The following TMEM117 variants were observed in gnomAD, a reference collection of about 807,000 sequenced individuals.
The protein encoded by TMEM117 is transmembrane protein 117.
TMEM117 carries 27 observed loss-of-function variants against 52.4 expected under a neutral mutation model. The observed-to-expected ratio is 0.51, with a 90% CI of 0.38 to 0.71. The LOEUF (loss-of-function observed/expected upper bound fraction) is 0.71, where lower values mean the gene tolerates loss of function less well. Ranked by LOEUF, TMEM117 falls within the 30% of genes least tolerant of loss-of-function variation. The pLI is 0.00. For synonymous variants in TMEM117, 215 were observed against 206.3 expected, an observed-to-expected ratio of 1.04 and a Z score of -0.36; for missense variants, 556 against 630.5, an observed-to-expected ratio of 0.88 and a Z score of 1.26.
At position 43,954,461 on chromosome 12, in the gene TMEM117, G is replaced by A. The variant is rs11523601; in HGVS notation, c.410+10119G>A. On this transcript the variant is annotated intron_variant, in intron 3 of 7. Coordinates refer to ENST00000266534, the MANE Select transcript of TMEM117 (RefSeq NM_032256.3). Reference sequence around the variant, plus strand: ...TAAACACAATCAGAAATGATAAGGCGGATACCACCACTGACCCCACAGAAA... The same window carrying A: ...TAAACACAATCAGAAATGATAAGGCAGATACCACCACTGACCCCACAGAAA... 8.2e-3 allele frequency among the ~76,000 whole-genome samples: 1,253 copies of A among 152,010 alleles called. 12 individuals are homozygous for A. Among genetic ancestry groups the A allele is most frequent in the Middle Eastern group, 0.024 (7 of 292 alleles).
chr12:44,181,487 G>A (rs1443116561), intron 4 of TMEM117, among the ~76,000 whole-genome samples: 10 of 150,398 alleles, frequency 6.6e-5, no homozygotes, highest in Non-Finnish European at 1.3e-4. Flanking sequence ...ATGGTTTTAG[G>A]TCTAACGTTT....
At chr12:44,325,131 C>T (rs1344846571) in intron 6 of TMEM117, among the ~76,000 whole-genome samples, 2 of 152,168 alleles carry the variant, frequency 1.3e-5, no homozygotes, top group Non-Finnish European at 2.9e-5. Context: ...TCTTTAATTA[C>T]ACATGTCCAT....
chr12:44,381,960 G>T (rs549512922), intron 7 of TMEM117, among the ~76,000 whole-genome samples: 1 of 152,260 alleles, frequency 6.6e-6, no homozygotes, highest in Non-Finnish European at 1.5e-5. Flanking sequence ...TGTATACAAA[G>T]AAAGTCCCCG....
intron 3 of TMEM117, among the ~76,000 whole-genome samples, chr12:44,024,902 A>G (rs2137845831): frequency 6.6e-6 from 1 of 151,596 alleles, no homozygotes; most frequent in South Asian, 2.1e-4. Context: ...ACATATAAGT[A>G]CATATACATA....
Position 44,236,008 on chromosome 12 carries a change from AC to A in TMEM117, c.608+24622del, listed in dbSNP as rs1949991092. Among the ~76,000 whole-genome samples, 9 of 151,874 alleles carry A rather than the reference AC, an allele frequency of 5.9e-5. No individual in the cohort carries two copies. The South Asian group carries it at 1.9e-3, about 32-fold the overall frequency. On this transcript the variant is annotated intron_variant, in intron 5 of 7. Coordinates refer to ENST00000266534, the MANE Select transcript of TMEM117 (RefSeq NM_032256.3). ...CTTAGTCTGTCCTTTCTCTGTAGCTACTTTTGACATTTACTCTCTGTTTTTG... is the reference window on the plus strand; with the variant it reads ...CTTAGTCTGTCCTTTCTCTGTAGCTATTTTGACATTTACTCTCTGTTTTTG...
At chr12:43,855,248 T>C (rs1165837197) in intron 2 of TMEM117, among the ~76,000 whole-genome samples, 1 of 152,070 alleles carries the variant, frequency 6.6e-6, no homozygotes, top group African/African-American at 2.4e-5. Flanking sequence ...TACTTGACTA[T>C]GATAAGCATT....
At chr12:44,195,696 A>T (rs761025973) in intron 4 of TMEM117, among the ~76,000 whole-genome samples, 22 of 152,082 alleles carry the variant, frequency 1.4e-4, no homozygotes, top group Non-Finnish European at 2.4e-4. Context: ...GAAAGATACT[A>T]CCTAATGAAC....
At chr12:43,928,815 A>C (rs574499659) in intron 2 of TMEM117, among the ~76,000 whole-genome samples, 1 of 146,728 alleles carries the variant, frequency 6.8e-6, no homozygotes, top group Admixed American at 7.0e-5. Context: ...TCATTGTTCA[A>C]TTCCCACCTA....
chr12:43,927,510 A>G (rs982080292), intron 2 of TMEM117, among the ~76,000 whole-genome samples: 2 of 151,444 alleles, frequency 1.3e-5, no homozygotes, highest in African/African-American at 4.8e-5. Context: ...TCTCACACTG[A>G]TTATAGATTT....
chr12:43,909,934 A>G (rs1944466333), intron 2 of TMEM117, among the ~76,000 whole-genome samples: 2 of 133,716 alleles, frequency 1.5e-5, no homozygotes, highest in African/African-American at 2.6e-5. Flanking sequence ...AACTGGTACC[A>G]TTCCTTCTGA....
chr12:43,884,676 A>C (rs1225738378), intron 2 of TMEM117, among the ~76,000 whole-genome samples: 1 of 152,154 alleles, frequency 6.6e-6, no homozygotes. Flanking sequence ...GTGGAGTCCT[A>C]ATTAGGGAAA....
chr12:44,329,453 G>C (rs1951238440), intron 6 of TMEM117, among the ~76,000 whole-genome samples: 1 of 152,106 alleles, frequency 6.6e-6, no homozygotes, highest in South Asian at 2.1e-4. Context: ...ATTCCCAGCT[G>C]TCTGTACCGT....
the TMEM117 span, among the ~76,000 whole-genome samples, chr12:43,821,194 A>T: frequency 6.6e-6 from 1 of 152,166 alleles, no homozygotes; most frequent in East Asian, 1.9e-4. Context: ...ATAGAATTTT[A>T]GGGACTAAGC....
At chr12:44,338,420 T>C (rs1951371083) in intron 6 of TMEM117, among the ~76,000 whole-genome samples, 1 of 152,048 alleles carries the variant, frequency 6.6e-6, no homozygotes, top group African/African-American at 2.4e-5. Context: ...CTGGAAGGTA[T>C]AGGTAATACA....
intron 6 of TMEM117, among the ~76,000 whole-genome samples, chr12:44,315,718 A>G (rs1418946692): frequency 2.0e-5 from 3 of 152,072 alleles, no homozygotes; most frequent in Non-Finnish European, 4.4e-5. Context: ...GAGTATTTGT[A>G]TTATTAATGT....
chr12:44,007,428 C>A (rs529841330), intron 3 of TMEM117, among the ~76,000 whole-genome samples: 1 of 151,846 alleles, frequency 6.6e-6, no homozygotes, highest in East Asian at 1.9e-4. Context: ...CTAAGAAAGT[C>A]TTTATTTCTC....
Position 43,883,772 on chromosome 12 carries a change from AC to A in TMEM117, c.277+38845del, listed in dbSNP as rs1339095537. 9.5e-3 allele frequency among the ~76,000 whole-genome samples: 1,407 copies of A among 148,754 alleles called. 11 individuals carry two copies. The highest frequency in any genetic ancestry group is 0.033 in the South Asian group (152 of 4,636). On this transcript the variant is annotated intron_variant, in intron 2 of 7. Transcript: ENST00000266534. ...CTTTGTATGAAAGACAAAAAAAAAA[AC>A]AAAAAACAAAAAAAAACCCCAAACA...
In TMEM117 at chr12:44,233,590, A is replaced by G. The variant is rs540864018; in HGVS notation, c.608+22203A>G. 4.6e-5 allele frequency among the ~76,000 whole-genome samples: 7 copies of G among 151,450 alleles called. No individual in the cohort carries two copies. In the South Asian group the frequency reaches 1.2e-3, roughly 27 times the overall value. On this transcript the variant is annotated intron_variant, in intron 5 of 7. Transcript: ENST00000266534. ...AACAATAGCTACATCACTGACAATA[A>G]TTGACATTTACCTTCATTCCCTGCC...
the TMEM117 span, among the ~76,000 whole-genome samples, chr12:44,395,529 G>C: frequency 1.3e-5 from 2 of 152,156 alleles, no homozygotes; most frequent in Non-Finnish European, 2.9e-5. Context: ...GCCAGTTATT[G>C]CCCAGCAGTG....
Sources: allele counts gnomAD v4.1 joint callset (sites outside exome capture counted in the v4.1 genomes callset), GRCh38; gene constraint gnomAD v4.1.1; transcripts MANE v1.5; gene names NCBI Gene and HGNC (gene_info 2026-07-23, HGNC 2026-07-21).